CSMD1: variants seen among roughly 807,000 people sequenced by gnomAD.
CSMD1 encodes the protein CUB and sushi domain-containing protein 1.
A neutral mutation model predicts 417.5 loss-of-function variants in CSMD1; 213 were observed. The ratio of observed to expected loss-of-function variants is 0.51; its 90% CI spans 0.46 to 0.57. The LOEUF is 0.57. Among genes scored for constraint, CSMD1 ranks in the 20% least tolerant of loss-of-function variants. CSMD1 has a pLI of 0.00. For missense variants in CSMD1, 6,923 were observed against 4,529.7 expected (o/e 1.53, Z -15.17); for synonymous variants, 2,862 against 1,736.8 (o/e 1.65, Z -16.11).
At chr8:3,477,042 G>C (rs1817471969) in intron 11 of CSMD1, among the ~76,000 whole-genome samples, 1 of 152,084 alleles carries the variant, frequency 6.6e-6, no homozygotes. Flanking sequence ...TTTTGCTGGT[G>C]GTTACACAGA....
At position 3,702,787 on chromosome 8, in the gene CSMD1, G is replaced by A. The variant is rs189084714; in HGVS notation, c.1009+5627C>T. 2.4e-3 allele frequency among the ~76,000 whole-genome samples: 360 copies of A among 152,268 alleles called. 11 individuals are homozygous for A. The highest frequency in any genetic ancestry group is 4.6e-4 in the Admixed American group (7 of 15,294). ...GTGCAGGTTGCAGTTAGCTGAGATC[G>A]CACCACACTCCAGCCTGGGTGACAG... On this transcript the variant is annotated intron_variant, in intron 7 of 69. Transcript: ENST00000635120.
intron 5 of CSMD1, among the ~76,000 whole-genome samples, chr8:3,793,883 G>T (rs1027302654): frequency 1.3e-5 from 2 of 152,136 alleles, no homozygotes; most frequent in Non-Finnish European, 2.9e-5. Flanking sequence ...TGGACCATTT[G>T]TCAAATCGCA....
intron 2 of CSMD1, among the ~76,000 whole-genome samples, chr8:4,604,292 T>G (rs146624830): frequency 1.1e-4 from 16 of 151,810 alleles, no homozygotes; most frequent in Non-Finnish European, 2.2e-4. Context: ...AAGACATTGG[T>G]GTCTATATAA....
chr8:4,377,907 G>C (rs943734754), intron 3 of CSMD1, among the ~76,000 whole-genome samples: 1 of 152,142 alleles, frequency 6.6e-6, no homozygotes, highest in South Asian at 2.1e-4. Context: ...ACTTTGTATA[G>C]TACTTAAATT....
At chr8:3,732,040 A>T (rs893501091) in intron 6 of CSMD1, among the ~76,000 whole-genome samples, 2 of 123,232 alleles carry the variant, frequency 1.6e-5, no homozygotes, top group Non-Finnish European at 4.0e-5. Context: ...CACATTTTTT[A>T]GACAAAAAAA....
chr8:3,899,823 C>G (rs1009935910), intron 5 of CSMD1, among the ~76,000 whole-genome samples: 1 of 152,152 alleles, frequency 6.6e-6, no homozygotes, highest in Non-Finnish European at 1.5e-5. Flanking sequence ...TCAGTATGAC[C>G]CTACCACAGG....
At chr8:4,608,207 G>C (rs1176496451) in intron 2 of CSMD1, among the ~76,000 whole-genome samples, 3 of 152,136 alleles carry the variant, frequency 2.0e-5, no homozygotes, top group Non-Finnish European at 4.4e-5. Context: ...TACTCCAAAG[G>C]GGTGGAAATC....
chr8:3,408,237 C>A lies in CSMD1; in HGVS notation c.1745-12G>T, dbSNP rs377720547. 6.4e-7 allele frequency: 1 copy of A among 1,570,838 alleles called. No homozygotes were observed. The highest frequency in any genetic ancestry group is 2.3e-5 in the East Asian group (1 of 43,614). ...GAAGAAACATGAAACTGTGAAGATG[C>A]AAATATATTTTCAAACAGTTATGCA... is the stretch of plus-strand genomic sequence containing the variant. On this transcript the variant is annotated splice_polypyrimidine_tract_variant and intron_variant, in intron 13 of 69. Coordinates refer to ENST00000635120, the MANE Select transcript of CSMD1 (RefSeq NM_033225.6).
intron 1 of CSMD1, among the ~76,000 whole-genome samples, chr8:4,850,337 C>G (rs1223624645): frequency 2.1e-5 from 3 of 142,018 alleles, no homozygotes; most frequent in Non-Finnish European, 3.0e-5. Flanking sequence ...TCTTAATGGT[C>G]TCTTTGAAGA....
chr8:4,862,032 G>A (rs182512483), intron 1 of CSMD1, among the ~76,000 whole-genome samples: 15 of 152,170 alleles, frequency 9.9e-5, no homozygotes, highest in Non-Finnish European at 1.9e-4. Flanking sequence ...GAACAGGAGG[G>A]ATTGCGTTTT....
At chr8:3,877,701 T>C (rs567875983) in intron 5 of CSMD1, among the ~76,000 whole-genome samples, 61 of 152,294 alleles carry the variant, frequency 4.0e-4, no homozygotes, top group African/African-American at 1.4e-3. Flanking sequence ...ATTTTATATA[T>C]TTTCATATGC....
chr8:4,493,143 A>AT (rs965745312), intron 2 of CSMD1, among the ~76,000 whole-genome samples: 5 of 151,962 alleles, frequency 3.3e-5, no homozygotes, highest in East Asian at 1.9e-4. Context: ...AGAAGACTAG[A>AT]TTTTTTTTTA....
chr8:3,672,410 A>C, intron 7 of CSMD1, among the ~76,000 whole-genome samples: 1 of 152,196 alleles, frequency 6.6e-6, no homozygotes. Context: ...CAGAAAACAT[A>C]AACAGTCCAG....
chr8:3,762,791 G>A (rs1476111857), intron 5 of CSMD1, among the ~76,000 whole-genome samples: 1 of 152,220 alleles, frequency 6.6e-6, no homozygotes, highest in Non-Finnish European at 1.5e-5. Flanking sequence ...TGCTGACCCT[G>A]AAGGCAAGGG....
intron 1 of CSMD1, among the ~76,000 whole-genome samples, chr8:4,830,835 G>C (rs181142489): frequency 6.6e-6 from 1 of 152,136 alleles, no homozygotes. Flanking sequence ...GAAAGAAAGA[G>C]AAATCAGCTA....
At chr8:4,218,808 C>T (rs1647318) in intron 3 of CSMD1, among the ~76,000 whole-genome samples, 151,847 of 152,326 alleles carry the variant, frequency 1, 75,686 homozygotes, top group Non-Finnish European at 1. Context: ...TCTGTTTTCT[C>T]AGTGTCAATC....
chr8:3,901,070 G>C (rs962101583), intron 5 of CSMD1, among the ~76,000 whole-genome samples: 6 of 152,140 alleles, frequency 3.9e-5, no homozygotes, highest in African/African-American at 1.4e-4. Context: ...TTGTAGTAAA[G>C]AAATAATTTA....
intron 26 of CSMD1, among the ~76,000 whole-genome samples, chr8:3,234,991 C>T (rs939375012): frequency 1.3e-5 from 2 of 152,140 alleles, no homozygotes; most frequent in African/African-American, 2.4e-5. Flanking sequence ...GAATGAACTT[C>T]CCATCTTCAA....
At position 4,201,894 on chromosome 8, in the gene CSMD1, G is replaced by T. The variant is rs1018576271; in HGVS notation, c.416-169795C>A. ...CATTATACATGGAAATTTTGGGGGG[G>T]GGGGGCGCTGCATTCATTTGCCATG... is the stretch of plus-strand genomic sequence containing the variant. On this transcript the variant is annotated intron_variant, in intron 3 of 69. Coordinates refer to ENST00000635120, the MANE Select transcript of CSMD1 (RefSeq NM_033225.6). 1.7e-4 allele frequency among the ~76,000 whole-genome samples: 25 copies of T among 148,030 alleles called. 1 individual carries two copies. The highest frequency in any genetic ancestry group is 5.4e-4 in the Admixed American group (8 of 14,924).
Sources: allele counts gnomAD v4.1 joint callset (sites outside exome capture counted in the v4.1 genomes callset), GRCh38; gene constraint gnomAD v4.1.1; transcripts MANE v1.5; gene names NCBI Gene and HGNC (gene_info 2026-07-23, HGNC 2026-07-21).